Variants in EVI5 observed in about 807,000 individuals in gnomAD.
EVI5 encodes the protein ecotropic viral integration site 5 protein homolog.
In EVI5, 73 loss-of-function variants were observed where a neutral mutation model predicts 112.0. The ratio of observed to expected loss-of-function variants is 0.65; its 90% CI spans 0.54 to 0.79. The LOEUF (loss-of-function observed/expected upper bound fraction) is 0.79. EVI5 is among the 30% of genes least tolerant of loss of function. The pLI, the probability that EVI5 is intolerant of heterozygous loss-of-function variation, is 0.00. For synonymous variants in EVI5, 305 were observed against 319.9 expected, an observed-to-expected ratio of 0.95 and a Z score of 0.50; for missense variants, 900 against 968.8, an observed-to-expected ratio of 0.93 and a Z score of 0.94.
At chr1:92,723,003 G>C (rs139800098) in intron 2 of EVI5, among the ~76,000 whole-genome samples, 240 of 152,274 alleles carry the variant, frequency 1.6e-3, no homozygotes, top group African/African-American at 5.5e-3. Flanking sequence ...TGCATGAGTT[G>C]ATATTAGGTC....
chr1:92,679,536 T>A (rs1044330567), intron 9 of EVI5, among the ~76,000 whole-genome samples: 4 of 151,668 alleles, frequency 2.6e-5, no homozygotes, highest in Admixed American at 1.3e-4. Context: ...AAACTTAATT[T>A]AAAAAAAAAT....
intron 13 of EVI5, among the ~76,000 whole-genome samples, chr1:92,657,775 T>C (rs776206265): frequency 1.3e-5 from 2 of 152,242 alleles, no homozygotes; most frequent in African/African-American, 2.4e-5. Flanking sequence ...CTTATGGTTC[T>C]GCAAGCTGTA....
At chr1:92,549,117 C>G (rs1053519262) in intron 19 of EVI5, among the ~76,000 whole-genome samples, 13 of 152,094 alleles carry the variant, frequency 8.5e-5, no homozygotes, top group African/African-American at 2.9e-4. Flanking sequence ...GCTACAGTAA[C>G]CAAAACAGCA....
At chr1:92,607,079 T>C (rs557460800) in intron 17 of EVI5, among the ~76,000 whole-genome samples, 47 of 152,272 alleles carry the variant, frequency 3.1e-4, no homozygotes, top group African/African-American at 1.0e-3. Context: ...AAGTAAAGTA[T>C]ATAACTGATT....
chr1:92,669,638 G>A (rs12030613), intron 10 of EVI5, among the ~76,000 whole-genome samples: 125,121 of 150,688 alleles, frequency 0.83, 52,397 homozygotes, highest in East Asian at 0.97. Flanking sequence ...AAATGTCTGT[G>A]TGTAAAGTTT....
chr1:92,786,151 G>A (rs1375572929), upstream of EVI5, among the ~76,000 whole-genome samples: 1 of 148,452 alleles, frequency 6.7e-6, no homozygotes, highest in African/African-American at 2.5e-5. Flanking sequence ...GGAATTATTT[G>A]TCTAGAAATT....
intron 12 of EVI5, 109 bp downstream of exon 12, chr1:92,663,311 A>T (rs1572173254): frequency 2.0e-6 from 1 of 498,514 alleles, no homozygotes; most frequent in East Asian, 3.2e-5. Context: ...TATTTCTAGA[A>T]AAACGCATGT....
In EVI5 at chr1:92,784,969, C is replaced by T. The variant is rs1481203538; in HGVS notation, c.-215G>A. The T allele has an allele frequency of 3.0e-6, 3 of 985,580 alleles. No individual in the cohort carries two copies. In the African/African-American group the frequency reaches 5.2e-5, roughly 17 times the overall value. 61.1% of individuals were successfully genotyped at this position (985,580 alleles called of 1,614,324 possible). ...CCGTCCCGAGTTCCCAAAAGCACCACGCTCACTCAGAAGCTCAGGGCCGCC... is the reference window on the plus strand; with the variant it reads ...CCGTCCCGAGTTCCCAAAAGCACCATGCTCACTCAGAAGCTCAGGGCCGCC... On this transcript the variant is annotated 5_prime_UTR_variant, in exon 1 of 20. The change creates a new upstream start codon in the 5' untranslated region. Coordinates refer to ENST00000684568, the MANE Select transcript of EVI5 (RefSeq NM_001350197.2).
intron 18 of EVI5, among the ~76,000 whole-genome samples, chr1:92,564,881 T>C (rs965837835): frequency 6.6e-6 from 1 of 152,086 alleles, no homozygotes; most frequent in Non-Finnish European, 1.5e-5. Flanking sequence ...GGTTTTGCCA[T>C]GTTGGCCAGG....
intron 18 of EVI5, among the ~76,000 whole-genome samples, chr1:92,601,019 C>A (rs1325730928): frequency 6.6e-6 from 1 of 151,982 alleles, no homozygotes; most frequent in Non-Finnish European, 1.5e-5. Context: ...GTGGTGGTAG[C>A]AAAGTTAGGG....
chr1:92,726,849 CT>C (rs1205651108), intron 2 of EVI5, among the ~76,000 whole-genome samples: 1 of 151,988 alleles, frequency 6.6e-6, no homozygotes, highest in Admixed American at 6.6e-5. Flanking sequence ...TGGTATAACC[CT>C]CAAAGTCAGA....
chr1:92,608,230 A>C lies in EVI5; in HGVS notation c.1828-503T>G, dbSNP rs189680670. On this transcript the variant is annotated intron_variant, in intron 16 of 19. Coordinates refer to ENST00000684568, the MANE Select transcript of EVI5 (RefSeq NM_001350197.2). ...GGAATGCATACTGTCAATATTAGAG[A>C]CTCTCAATATAGCTCAATATACCAT... 1.1e-3 allele frequency among the ~76,000 whole-genome samples: 166 copies of C among 152,234 alleles called. 2 individuals carry two copies. Among genetic ancestry groups the C allele is most frequent in the Non-Finnish European group, 2.4e-4 (16 of 68,012 alleles).
At chr1:92,785,273 T>G (rs891508200), upstream of EVI5, among the ~76,000 whole-genome samples, 1 of 152,198 alleles carries the variant, frequency 6.6e-6, no homozygotes, top group African/African-American at 2.4e-5. Flanking sequence ...CCGCCTCTCT[T>G]TCAAAGCACC....
At chr1:92,549,419 A>C (rs1294618397) in intron 19 of EVI5, among the ~76,000 whole-genome samples, 1 of 151,852 alleles carries the variant, frequency 6.6e-6, no homozygotes, top group South Asian at 2.1e-4. Flanking sequence ...AGGCAATACC[A>C]TTCAGGACAT....
intron 10 of EVI5, among the ~76,000 whole-genome samples, chr1:92,675,428 A>G (rs1487936407): frequency 6.6e-6 from 1 of 152,168 alleles, no homozygotes; most frequent in Non-Finnish European, 1.5e-5. Flanking sequence ...TCCTATATTC[A>G]TGTACTTAAT....
chr1:92,605,412 T>A lies in EVI5; in HGVS notation c.1975-10A>T. ...TCACTTCTTCCTTATTCTAGTGTGG[T>A]AAACCAAACCGAAACAAAATAAACC... On this transcript the variant is annotated splice_polypyrimidine_tract_variant and intron_variant, in intron 17 of 19. Transcript: ENST00000684568. 6.3e-7 allele frequency: 1 copy of A among 1,579,648 alleles called. No homozygotes were observed. Among genetic ancestry groups the A allele is most frequent in the Non-Finnish European group, 8.7e-7 (1 of 1,150,576 alleles).
At chr1:92,609,262 T>A (rs186712767) in intron 16 of EVI5, among the ~76,000 whole-genome samples, 1 of 152,234 alleles carries the variant, frequency 6.6e-6, no homozygotes, top group Non-Finnish European at 1.5e-5. Flanking sequence ...TCAGTAGAGA[T>A]AGTACTACTT....
intron 18 of EVI5, among the ~76,000 whole-genome samples, chr1:92,581,794 G>GAA (rs1212772376): frequency 7.1e-4 from 1 of 1,418 alleles, no homozygotes; most frequent in Non-Finnish European, 1.2e-3. Context: ...AATAAAGTAT[G>GAA]TAAAGGAATC....
At chr1:92,675,942 C>T (rs1355561428) in intron 10 of EVI5, among the ~76,000 whole-genome samples, 3 of 132,158 alleles carry the variant, frequency 2.3e-5, no homozygotes, top group Non-Finnish European at 4.6e-5. Flanking sequence ...GGCGATACAG[C>T]GAGACTTCGT....
Sources: gnomAD v4.1 joint callset for allele counts (sites outside exome capture counted in the v4.1 genomes callset) on GRCh38, gnomAD v4.1.1 for gene constraint, MANE v1.5 for transcripts, NCBI Gene and HGNC (gene_info 2026-07-23, HGNC 2026-07-21) for gene names.